CACNA2D3: variants seen among roughly 807,000 people sequenced by gnomAD.
CACNA2D3 encodes calcium voltage-gated channel auxiliary subunit alpha2delta 3.
CACNA2D3 carries 60 observed loss-of-function variants against 160.6 expected under a neutral mutation model. The observed-to-expected ratio is 0.37, with a 90% confidence interval of 0.30 to 0.46. The LOEUF is 0.46. Ranked by LOEUF, CACNA2D3 falls within the 20% of genes least tolerant of loss-of-function variation. The pLI, the probability that CACNA2D3 is intolerant of heterozygous loss-of-function variation, is 1.00. For missense variants in CACNA2D3, 1,205 were observed against 1,365.0 expected, an observed-to-expected ratio of 0.88 and a Z score of 1.85; for synonymous variants, 558 against 492.9, an observed-to-expected ratio of 1.13 and a Z score of -1.75.
intron 14 of CACNA2D3, among the ~76,000 whole-genome samples, chr3:54,836,653 T>C (rs1001138284): frequency 2.6e-5 from 4 of 152,222 alleles, no homozygotes; most frequent in African/African-American, 4.8e-5. Context: ...GGGACTGGCA[T>C]TCAGAGACCC....
At chr3:54,602,590 C>G (rs981634741) in intron 9 of CACNA2D3, among the ~76,000 whole-genome samples, 2 of 151,374 alleles carry the variant, frequency 1.3e-5, no homozygotes, top group African/African-American at 4.9e-5. Flanking sequence ...GAGCACAGAG[C>G]ATATGTGAAT....
intron 13 of CACNA2D3, among the ~76,000 whole-genome samples, chr3:54,798,584 A>T (rs1702919125): frequency 6.6e-6 from 1 of 152,196 alleles, no homozygotes; most frequent in African/African-American, 2.4e-5. Flanking sequence ...CACCTCTTCC[A>T]CTACAGCATG....
chr3:54,350,868 C>A (rs1698539741), intron 3 of CACNA2D3, among the ~76,000 whole-genome samples: 2 of 151,884 alleles, frequency 1.3e-5, no homozygotes, highest in African/African-American at 4.8e-5. Context: ...CTTTTAACAT[C>A]CATGTGTGTG....
chr3:54,764,516 A>G, intron 13 of CACNA2D3, among the ~76,000 whole-genome samples, 165 bp downstream of exon 13: 1 of 152,178 alleles, frequency 6.6e-6, no homozygotes, highest in East Asian at 1.9e-4. Flanking sequence ...AGTTGGTGAA[A>G]AATCATAACG....
rs190918657 is a variant in CACNA2D3, at chr3:54,397,542, A to G, written c.381+10768A>G. Among the ~76,000 whole-genome samples the G allele has an allele frequency of 2.4e-3, 347 of 144,120 alleles. 7 individuals carry two copies. The highest frequency in any genetic ancestry group is 8.3e-3 in the African/African-American group (318 of 38,244). The allele number at this position is 144,120 out of a possible 152,430, so 94.5% of individuals were successfully genotyped here. ...TCTTTGTTCTCGTTGGTTTCAAAGA[A>G]CATTTTTATTTCTGTCTTCATTTCG... On this transcript the variant is annotated intron_variant, in intron 4 of 37. Coordinates refer to ENST00000474759, the MANE Select transcript of CACNA2D3 (RefSeq NM_018398.3).
intron 25 of CACNA2D3, 98 bp from the exon 26 acceptor site, chr3:54,896,651 G>T (rs1700195608): frequency 5.4e-6 from 8 of 1,468,420 alleles, no homozygotes; most frequent in Admixed American, 1.7e-5. Flanking sequence ...TTCTAAAAGT[G>T]AACACTGGTT....
intron 35 of CACNA2D3, among the ~76,000 whole-genome samples, chr3:55,053,261 T>C (rs1467664563): frequency 6.6e-6 from 1 of 152,068 alleles, no homozygotes; most frequent in Admixed American, 6.5e-5. Flanking sequence ...ACAGTATGTA[T>C]TCTTTGTTGG....
chr3:54,641,893 G>A (rs1435596204), intron 10 of CACNA2D3, among the ~76,000 whole-genome samples: 7 of 152,190 alleles, frequency 4.6e-5, no homozygotes, highest in African/African-American at 1.7e-4. Context: ...CAACAGTAAG[G>A]TCTGTTCGGT....
chr3:54,204,578 C>T (rs749750796), intron 2 of CACNA2D3, among the ~76,000 whole-genome samples: 11 of 151,848 alleles, frequency 7.2e-5, no homozygotes, highest in East Asian at 1.9e-4. Flanking sequence ...GGGCGGATCA[C>T]GAGGTCAGGA....
chr3:54,792,028 C>T (rs1028534552), intron 13 of CACNA2D3, among the ~76,000 whole-genome samples: 2 of 152,150 alleles, frequency 1.3e-5, no homozygotes, highest in African/African-American at 4.8e-5. Context: ...GGTAAAGAGG[C>T]TTTTCCAAAG....
At chr3:54,845,203 T>C (rs1176460752) in intron 16 of CACNA2D3, among the ~76,000 whole-genome samples, 1 of 152,260 alleles carries the variant, frequency 6.6e-6, no homozygotes, top group East Asian at 1.9e-4. Context: ...ATGTGCATAT[T>C]TGCTTTATGT....
intron 2 of CACNA2D3, among the ~76,000 whole-genome samples, chr3:54,198,399 C>G (rs977289029): frequency 6.6e-6 from 1 of 152,240 alleles, no homozygotes; most frequent in Non-Finnish European, 1.5e-5. Context: ...GCCAGAGCCT[C>G]TGGCTTCCCG....
At chr3:54,391,116 C>G (rs76125690) in intron 4 of CACNA2D3, among the ~76,000 whole-genome samples, 14 of 152,248 alleles carry the variant, frequency 9.2e-5, no homozygotes, top group Admixed American at 7.9e-4. Flanking sequence ...TGCCCCTTCT[C>G]TCGCTTTAGA....
intron 27 of CACNA2D3, chr3:54,925,105 C>T: frequency 2.5e-6 from 4 of 1,613,962 alleles, no homozygotes; most frequent in Non-Finnish European, 3.4e-6. Context: ...TCGGCCAGAC[C>T]CTGCTGGCTG....
At position 54,608,539 on chromosome 3, in the gene CACNA2D3, C is replaced by T. The variant is rs894606626; in HGVS notation, c.964-19248C>T. Among the ~76,000 whole-genome samples the T allele has an allele frequency of 1.3e-5, 2 of 152,160 alleles. 1 individual carries two copies. Among genetic ancestry groups the T allele is most frequent in the South Asian group, 4.1e-4 (2 of 4,824 alleles). ...TGGCTAGGTTTTGCATGCACGTGGC[C>T]TGGCTCCAGAATTTGTGTGTTTAAC... On this transcript the variant is annotated intron_variant, in intron 9 of 37. Transcript: ENST00000474759.
intron 14 of CACNA2D3, among the ~76,000 whole-genome samples, chr3:54,835,040 A>G (rs2106753169): frequency 6.6e-6 from 1 of 152,358 alleles, no homozygotes; most frequent in Middle Eastern, 3.4e-3. Context: ...CAACATCTAG[A>G]CTGGCAGTTG....
At chr3:54,331,178 G>A (rs1449424145) in intron 3 of CACNA2D3, among the ~76,000 whole-genome samples, 2 of 151,936 alleles carry the variant, frequency 1.3e-5, no homozygotes, top group South Asian at 4.2e-4. Flanking sequence ...GCTTTAAGGG[G>A]GAAAAATGAA....
intron 4 of CACNA2D3, among the ~76,000 whole-genome samples, chr3:54,453,430 T>G (rs1433316845): frequency 6.6e-6 from 1 of 152,174 alleles, no homozygotes; most frequent in African/African-American, 2.4e-5. Context: ...TGGGTAGGAC[T>G]TCAACATATC....
intron 11 of CACNA2D3, among the ~76,000 whole-genome samples, chr3:54,688,025 G>A (rs547150801): frequency 5.3e-5 from 8 of 152,200 alleles, no homozygotes; most frequent in African/African-American, 1.9e-4. Flanking sequence ...TAACCAGAAT[G>A]TTCTTACTTA....
Sources: allele counts gnomAD v4.1 joint callset (sites outside exome capture counted in the v4.1 genomes callset), GRCh38; gene constraint gnomAD v4.1.1; transcripts MANE v1.5; gene names NCBI Gene and HGNC (gene_info 2026-07-23, HGNC 2026-07-21).